DNAH3: variants seen among roughly 807,000 people sequenced by gnomAD.
The protein encoded by DNAH3 is axonemal beta dynein heavy chain 3.
In DNAH3, 332 loss-of-function variants were observed where a neutral mutation model predicts 432.5. The observed-to-expected ratio is 0.77, with a 90% CI of 0.70 to 0.84. The LOEUF (loss-of-function observed/expected upper bound fraction) is 0.84. Ranked by LOEUF, DNAH3 falls within the 40% of genes least tolerant of loss-of-function variation. DNAH3 has a pLI of 0.00. For synonymous variants in DNAH3, 1,956 were observed against 1,900.2 expected, an observed-to-expected ratio of 1.03 and a Z score of -0.76; for missense variants, 4,861 against 5,114.0, an observed-to-expected ratio of 0.95 and a Z score of 1.51.
In DNAH3 at chr16:20,997,017, C is replaced by T. The variant is rs2086790206; in HGVS notation, c.6601+266G>A. 8.1e-6 allele frequency: 3 copies of T among 371,472 alleles called. No homozygotes were observed. The Admixed American group carries it at 1.2e-4, about 15-fold the overall frequency. The allele number at this position is 371,472 out of a possible 1,614,324, so 23.0% of individuals were successfully genotyped here. A position where few individuals can be genotyped will look rare whatever the true frequency, so the allele number is the denominator to read the frequency against. ...TGGAGCCTCCCTCCCGGAACACATG[C>T]TGGCCACACTGAACTCTCCTTTTCC... is the stretch of plus-strand genomic sequence containing the variant. On this transcript the variant is annotated intron_variant, in intron 44 of 61. Coordinates refer to ENST00000261383, the Ensembl canonical transcript of DNAH3.
exon 53 of DNAH3, chr16:20,964,283 G>C (rs1464392365): frequency 1.2e-6 from 2 of 1,614,182 alleles, no homozygotes; most frequent in Admixed American, 3.3e-5. Flanking sequence ...TGATCTTGGA[G>C]ACCCAAGGGG....
At position 21,068,330 on chromosome 16, in the gene DNAH3, G is replaced by GGGGGT. The variant is rs796744167; in HGVS notation, c.3382-912_3382-911insACCCC. Among the ~76,000 whole-genome samples the GGGGGT allele has an allele frequency of 7.4e-5, 10 of 135,512 alleles. 1 individual carries two copies. Among genetic ancestry groups the GGGGGT allele is most frequent in the Admixed American group, 2.3e-4 (3 of 13,250 alleles). 88.9% of individuals were successfully genotyped at this position (135,512 alleles called of 152,430 possible). ...GTATATTACTTTTTTTTGGGTGGGG[G>GGGGGT]GGGGGACAGAGTCTCGCTCTGTTGC... On this transcript the variant is annotated intron_variant, in intron 23 of 61. Transcript: ENST00000261383.
chr16:21,008,203 G>GTC (rs148269667), intron 41 of DNAH3, among the ~76,000 whole-genome samples: 25 of 150,380 alleles, frequency 1.7e-4, no homozygotes, highest in African/African-American at 4.1e-4. Context: ...TCTCTCCTCT[G>GTC]TCTCTCTCTC....
At chr16:20,954,593 T>C (rs1275348513) in intron 55 of DNAH3, among the ~76,000 whole-genome samples, 1 of 152,112 alleles carries the variant, frequency 6.6e-6, no homozygotes, top group Non-Finnish European at 1.5e-5. Context: ...CCCAGCCAGG[T>C]TGTCAGATTT....
At chr16:21,058,977 A>C (rs2090239639) in intron 26 of DNAH3, among the ~76,000 whole-genome samples, 1 of 152,008 alleles carries the variant, frequency 6.6e-6, no homozygotes, top group African/African-American at 2.4e-5. Context: ...CATGTTCTGC[A>C]CATGTATCCC....
chr16:21,030,807 A>G (rs998311558), intron 37 of DNAH3, among the ~76,000 whole-genome samples: 4 of 152,170 alleles, frequency 2.6e-5, no homozygotes, highest in African/African-American at 7.2e-5. Context: ...TGATGCCAGC[A>G]CTAAGGCTCA....
chr16:21,150,193 C>A (rs2092835402), intron 1 of DNAH3, 97 bp downstream of exon 2: 1 of 411,938 alleles, frequency 2.4e-6, no homozygotes, highest in Non-Finnish European at 4.7e-6. Context: ...CCATTGCACT[C>A]CAGCCTGGGC....
At chr16:21,136,017 T>G (rs1285801261) in intron 6 of DNAH3, among the ~76,000 whole-genome samples, 2 of 152,118 alleles carry the variant, frequency 1.3e-5, no homozygotes, top group Non-Finnish European at 2.9e-5. Context: ...GGTGTAGACA[T>G]CAGTGATGGT....
intron 50 of DNAH3, 142 bp downstream of exon 50, chr16:20,979,188 T>G (rs775008580): frequency 1.0e-5 from 7 of 681,568 alleles, no homozygotes; most frequent in Non-Finnish European, 1.8e-5. Context: ...ATTACAGTGA[T>G]GTAGGTAAGG....
chr16:21,024,209 T>C (rs1296324300), intron 39 of DNAH3, among the ~76,000 whole-genome samples: 1 of 152,108 alleles, frequency 6.6e-6, no homozygotes, highest in Non-Finnish European at 1.5e-5. Context: ...GGGATGGGAA[T>C]TGGCAGCACC....
At chr16:21,104,677 G>C (rs1177217601) in intron 15 of DNAH3, 83 bp from the exon 16 acceptor site, 3 of 776,388 alleles carry the variant, frequency 3.9e-6, no homozygotes, top group Non-Finnish European at 6.7e-6. Context: ...GACAGAACAA[G>C]AGGTCAACAG....
chr16:20,940,897 C>G (rs2083781225), intron 59 of DNAH3, among the ~76,000 whole-genome samples: 1 of 152,004 alleles, frequency 6.6e-6, no homozygotes, highest in South Asian at 2.1e-4. Context: ...AGTTCAAGAC[C>G]AGCCTGGCCA....
At chr16:21,075,703 G>T in intron 20 of DNAH3, 142 bp from the exon 21 acceptor site, 2 of 668,894 alleles carry the variant, frequency 3.0e-6, no homozygotes, top group Non-Finnish European at 5.3e-6. Flanking sequence ...GCTTGAGGTC[G>T]GGAGTTCGAG....
intron 1 of DNAH3, among the ~76,000 whole-genome samples, chr16:21,153,519 C>A (rs2092876299): frequency 6.6e-6 from 1 of 152,300 alleles, no homozygotes; most frequent in East Asian, 1.9e-4. Context: ...CAGATAAGAG[C>A]ATAAAAGCAG....
intron 40 of DNAH3, among the ~76,000 whole-genome samples, chr16:21,020,479 T>C (rs1375487736): frequency 7.2e-6 from 1 of 138,704 alleles, no homozygotes; most frequent in Non-Finnish European, 1.5e-5. Context: ...CTCGGCTCAC[T>C]GCAACCTCTG....
At chr16:21,145,957 G>C (rs1365959187) in intron 2 of DNAH3, 27 bp downstream of exon 3, 1 of 1,457,844 alleles carries the variant, frequency 6.9e-7, no homozygotes, top group Non-Finnish European at 9.6e-7. Flanking sequence ...ACCCTCAACA[G>C]AAGAGCTGGC....
At chr16:20,988,511 C>A (rs2086334018) in intron 44 of DNAH3, among the ~76,000 whole-genome samples, 1 of 152,170 alleles carries the variant, frequency 6.6e-6, no homozygotes, top group African/African-American at 2.4e-5. Context: ...GCCTCCCGGG[C>A]TCAAGAGATT....
At chr16:21,028,955 G>C (rs1436467325) in intron 37 of DNAH3, among the ~76,000 whole-genome samples, 2 of 152,144 alleles carry the variant, frequency 1.3e-5, no homozygotes, top group African/African-American at 4.8e-5. Flanking sequence ...ACAGGTCACT[G>C]CCTGCATCCC....
intron 15 of DNAH3, chr16:21,104,570 G>C: frequency 6.2e-7 from 1 of 1,609,216 alleles, no homozygotes; most frequent in Non-Finnish European, 8.5e-7. Flanking sequence ...GAGGAACAGA[G>C]TGCTGTTCAA....
Sources: gnomAD v4.1 joint callset for allele counts (sites outside exome capture counted in the v4.1 genomes callset) on GRCh38, gnomAD v4.1.1 for gene constraint, MANE v1.5 for transcripts, NCBI Gene and HGNC (gene_info 2026-07-23, HGNC 2026-07-21) for gene names.